Variants in TSPOAP1 observed in about 807,000 individuals in gnomAD.
The protein encoded by TSPOAP1 is TSPO associated protein 1.
In TSPOAP1, 87 loss-of-function variants were observed where a neutral mutation model predicts 197.0. The observed-to-expected ratio is 0.44, with a 90% CI of 0.37 to 0.53. The LOEUF (loss-of-function observed/expected upper bound fraction) is 0.53, where lower values mean the gene tolerates loss of function less well. Among genes scored for constraint, TSPOAP1 ranks in the 20% least tolerant of loss-of-function variants. The probability of loss-of-function intolerance (pLI) is 0.00; values close to 1 mark genes in which losing one functional copy is unlikely to be tolerated. For synonymous variants in TSPOAP1, 913 were observed against 998.9 expected, an observed-to-expected ratio of 0.91 and a Z score of 1.62; for missense variants, 2,174 against 2,411.3, an observed-to-expected ratio of 0.90 and a Z score of 2.06.
At chr17:58,307,783 G>A (rs1970947877) in intron 23 of TSPOAP1, 21 bp from the exon 24 acceptor site, 1 of 1,613,746 alleles carries the variant, frequency 6.2e-7, no homozygotes, top group Non-Finnish European at 8.5e-7. Context: ...AGTGGAGAGG[G>A]CGGTGACGCA....
rs1799045664 is a variant in TSPOAP1, at chr17:58,308,602, T to A, written c.4670A>T (p.Lys1557Ile). The part of the protein sequence containing the change: ...KPYPRLPAWE[K>I]GEPERRGRSA... ...GCGGCCTCTCCGCTCTGGTTCCCCT[T>A]TCTCCCAGGCTGGGAGGCGTGGGTA... The change falls in exon 22 of 32, where the codon AAA (lysine) becomes ATA (isoleucine). Residue 1557 changes from lysine (K) to isoleucine (I), a missense_variant. Coordinates refer to ENST00000343736, the MANE Select transcript of TSPOAP1 (RefSeq NM_004758.4). The A allele has an allele frequency of 6.3e-7, 1 of 1,591,690 alleles. No homozygotes were observed. Among genetic ancestry groups the A allele is most frequent in the Admixed American group, 1.7e-5 (1 of 57,596 alleles).
chr17:58,303,630 G>C (rs1454777218), intron 31 of TSPOAP1: 1 of 152,228 alleles, frequency 6.6e-6, no homozygotes, highest in Non-Finnish European at 1.5e-5. Flanking sequence ...TTATGGATTT[G>C]AACTACTCAA....
Position 58,315,981 on chromosome 17 carries a change from A to C in TSPOAP1, c.2098+42T>G, listed in dbSNP as rs1173259656. 5.5e-6 allele frequency: 8 copies of C among 1,459,410 alleles called. No homozygotes were observed. The East Asian group carries it at 1.8e-4, about 33-fold the overall frequency. 90.4% of individuals were successfully genotyped at this position (1,459,410 alleles called of 1,614,324 possible). On this transcript the variant is annotated intron_variant, in intron 16 of 31. Coordinates refer to ENST00000343736, the MANE Select transcript of TSPOAP1 (RefSeq NM_004758.4). ...TCCGTCTTTGGGAACATGGGCTCAA[A>C]GGCAGGGGAATGGACAGAATGACCC...
intron 12 of TSPOAP1, 107 bp from the exon 13 acceptor site, chr17:58,319,401 CCCAGCCCCAGGCCTGGGCA>C: frequency 2.4e-6 from 3 of 1,258,666 alleles, no homozygotes; most frequent in Non-Finnish European, 3.2e-6. Flanking sequence ...TATCCATCCA[CCCAGCCCCAGGCCTGGGCA>C]CCAGCCTTGC....
chr17:58,312,222 T>C lies in TSPOAP1; in HGVS notation c.2599A>G (p.Ser867Gly), dbSNP rs778368119. ...AAGCAACAGCGCAGTGGGTCAGAGC[T>C]GCCCCGGCTAGTCAGGGCCTGGACA... ...ISVQALTSRG[S>G]SDPLRCCLAV... The change falls in exon 17 of 32, where the codon AGC (serine) becomes GGC (glycine). Residue 867 changes from serine to glycine, a missense_variant. Around this residue, in one of 5 missense-constraint regions of TSPOAP1, gnomAD observed 1,933 missense variants for 2,139.0 expected, o/e 0.90. Coordinates refer to ENST00000343736, the MANE Select transcript of TSPOAP1 (RefSeq NM_004758.4). The C allele has an allele frequency of 1.9e-6, 3 of 1,612,840 alleles. No homozygotes were observed. The highest frequency in any genetic ancestry group is 2.2e-5 in the South Asian group (2 of 91,044).
chr17:58,323,352 T>A lies in TSPOAP1; in HGVS notation c.1050A>T (p.Lys350Asn), dbSNP rs756002002. The part of the protein sequence containing the change: ...LESELSKKRK[K>N]CESLEQEARK... ...GGGCTTCCTGCTCCAGGCTCTCGCA[T>A]TTCTTCCGCTTCTTGCTGAGCTCCG... The change falls in exon 7 of 32, where the codon AAA becomes AAT. Residue 350 changes from lysine to asparagine, a missense_variant. Physicochemically the swap from Lys to Asn is moderately conservative, Grantham distance 94. This residue lies in a region of TSPOAP1 where 1,933 missense variants were observed against 2,139.0 expected (regional missense o/e 0.90). Coordinates refer to ENST00000343736, the MANE Select transcript of TSPOAP1 (RefSeq NM_004758.4). The A allele has an allele frequency of 1.9e-6, 3 of 1,614,220 alleles. No homozygotes were observed. The highest frequency in any genetic ancestry group is 2.5e-6 in the Non-Finnish European group (3 of 1,180,018).
chr17:58,303,533 C>T (rs1970782096), intron 31 of TSPOAP1: 2 of 152,200 alleles, frequency 1.3e-5, no homozygotes, highest in Admixed American at 6.5e-5. Flanking sequence ...TCTTAGGGCT[C>T]CTTCCACAAC....
chr17:58,311,357 T>C (rs1971072883), intron 18 of TSPOAP1, 144 bp from the exon 19 acceptor site: 1 of 1,292,272 alleles, frequency 7.7e-7, no homozygotes, highest in Non-Finnish European at 1.1e-6. Flanking sequence ...GCATGGCCTA[T>C]CTCATTTCAT....
chr17:58,308,699 C>T lies in TSPOAP1; in HGVS notation c.4573G>A (p.Gly1525Arg), dbSNP rs1250479614. The T allele has an allele frequency of 6.2e-7, 1 of 1,612,976 alleles. No individual in the cohort carries two copies. Among genetic ancestry groups the T allele is most frequent in the East Asian group, 2.2e-5 (1 of 44,872 alleles). Residue 1525 changes from glycine (G) to arginine (R), a missense_variant, in exon 22 of 32, where the codon GGG becomes AGG. Physicochemically the swap from Gly to Arg is moderately radical, Grantham distance 125 (BLOSUM62 -2). Transcript: ENST00000343736. ...ACAGTTGCTGTGCCCCAGGCCTCCC[C>T]ATCTCCAGGGTAGCAGGAGCTGGTG... ...SITSSCYPGDGEAWGTATVGR... is the reference protein window; with the variant it reads ...SITSSCYPGDREAWGTATVGR...
intron 7 of TSPOAP1, 98 bp downstream of exon 7, chr17:58,323,200 G>C: frequency 6.7e-7 from 1 of 1,498,558 alleles, no homozygotes; most frequent in African/African-American, 1.4e-5. Flanking sequence ...GTGTTCTTGA[G>C]GGCAGCAGGG....
intron 10 of TSPOAP1, among the ~76,000 whole-genome samples, chr17:58,321,341 A>G (rs982057413): frequency 2.0e-5 from 3 of 148,426 alleles, no homozygotes; most frequent in Non-Finnish European, 4.4e-5. Flanking sequence ...TCTGTCGCCC[A>G]GGCTGGAGTG....
chr17:58,326,411 C>T lies in TSPOAP1; in HGVS notation c.452G>A (p.Ser151Asn), dbSNP rs1567852686. The part of the protein sequence containing the change: ...KEENQMLRKS[S>N]FPETEEKVRR... Reference sequence around the variant, plus strand: ...CACCTTCTCTTCTGTCTCAGGGAAGCTGCTCTTCCTCTGACAAGGGGTCAG... The same window carrying T: ...CACCTTCTCTTCTGTCTCAGGGAAGTTGCTCTTCCTCTGACAAGGGGTCAG... Residue 151 changes from serine (S) to asparagine (N), a missense_variant, in exon 3 of 32, where the codon AGC becomes AAC. Ser to Asn is a conservative substitution (Grantham distance 46). Around this residue, in one of 5 missense-constraint regions of TSPOAP1, gnomAD observed 1,933 missense variants for 2,139.0 expected, o/e 0.90. Coordinates refer to ENST00000343736, the MANE Select transcript of TSPOAP1 (RefSeq NM_004758.4). The surrounding 1 kb of genome is among the most constrained non-coding windows in gnomAD (Gnocchi z 4.7). The T allele has an allele frequency of 1.2e-6, 2 of 1,613,726 alleles. No individual in the cohort carries two copies. Among genetic ancestry groups the T allele is most frequent in the Non-Finnish European group, 1.7e-6 (2 of 1,179,998 alleles).
rs111384073 is a variant in TSPOAP1, at chr17:58,307,366, C to T, written c.4983+245G>A. ...TTGGATCATTTAATCCACAAAACAC[C>T]CTGTGAGGTAGACACTAATATTATC... On this transcript the variant is annotated intron_variant, in intron 24 of 31. Coordinates refer to ENST00000343736, the MANE Select transcript of TSPOAP1 (RefSeq NM_004758.4). The T allele has an allele frequency of 5.5e-3, 3,163 of 570,278 alleles. 82 individuals are homozygous for T. Among genetic ancestry groups the T allele is most frequent in the African/African-American group, 0.053 (2,845 of 53,644 alleles). 35.3% of individuals were successfully genotyped at this position (570,278 alleles called of 1,614,324 possible). A position where few individuals can be genotyped will look rare whatever the true frequency, so the allele number is the denominator to read the frequency against.
At chr17:58,325,369 C>T (rs955551096) in intron 4 of TSPOAP1, 165 bp downstream of exon 4, 16 of 852,332 alleles carry the variant, frequency 1.9e-5, no homozygotes, top group African/African-American at 3.4e-5. Flanking sequence ...TGGCTCCACC[C>T]CCTTCTCCCC....
In TSPOAP1 at chr17:58,319,151, G is replaced by T; in HGVS notation, c.1638C>A (p.Asp546Glu). The stretch of plus-strand genomic sequence containing the variant: ...AGCAGCAGCAGGGGGGTGGTGGGCA[G>T]TCTCCAAGGCTCCCACAGTCCAGGG... ...TSALDCGSLGDCPPPPCCCSI... is the reference protein window; with the variant it reads ...TSALDCGSLGECPPPPCCCSI... The change falls in exon 13 of 32, where the codon GAC becomes GAA. Residue 546 changes from aspartate (D) to glutamate (E), a missense_variant. By Grantham distance (45) the Asp-to-Glu change is conservative. Around this residue, in one of 5 missense-constraint regions of TSPOAP1, gnomAD observed 1,933 missense variants for 2,139.0 expected, o/e 0.90. Coordinates refer to ENST00000343736, the MANE Select transcript of TSPOAP1 (RefSeq NM_004758.4). The T allele has an allele frequency of 6.4e-7, 1 of 1,557,540 alleles. No homozygotes were observed. Among genetic ancestry groups the T allele is most frequent in the Middle Eastern group, 1.7e-4 (1 of 5,994 alleles).
chr17:58,304,318 G>C lies in TSPOAP1; in HGVS notation c.*32+20C>G, dbSNP rs73315978. The C allele has an allele frequency of 2.6e-3, 4,132 of 1,607,508 alleles. 67 individuals are homozygous for C. The African/African-American group carries it at 0.044, about 17-fold the overall frequency. On this transcript the variant is annotated intron_variant, in intron 31 of 31. Transcript: ENST00000343736. The surrounding 1 kb of genome is among the most constrained non-coding windows in gnomAD (Gnocchi z 4.2). ...CAAGTGGGGGTGGACGGTCACACAG[G>C]GGGGCAGTCCCCCACTTACATGTTG...
At chr17:58,302,533 G>A (rs1970747927) in intron 31 of TSPOAP1, 86 bp from the exon 32 acceptor site, 4 of 976,514 alleles carry the variant, frequency 4.1e-6, no homozygotes, top group Non-Finnish European at 5.2e-6. Context: ...TAAGGGGCCT[G>A]CAGCCTCCCA....
intron 14 of TSPOAP1, 140 bp downstream of exon 14, chr17:58,318,140 C>A (rs965239212): frequency 1.1e-5 from 12 of 1,077,764 alleles, no homozygotes; most frequent in South Asian, 1.6e-5. Flanking sequence ...CAGGAGGAAT[C>A]CACAGGCCTC....
At position 58,321,391 on chromosome 17, in the gene TSPOAP1, G is replaced by A. The variant is rs186297917; in HGVS notation, c.1423-810C>T. ...CAGCTCACTGCAAGCTCTGCCTCCC[G>A]GGTTCAAACAATTCTCCTGCCTCAG... On this transcript the variant is annotated intron_variant, in intron 10 of 31. Coordinates refer to ENST00000343736, the MANE Select transcript of TSPOAP1 (RefSeq NM_004758.4). 3.2e-4 allele frequency among the ~76,000 whole-genome samples: 49 copies of A among 151,708 alleles called. No homozygotes were observed. In the Middle Eastern group the frequency reaches 0.014, roughly 42 times the overall value.
Sources: gnomAD v4.1 joint callset for allele counts (sites outside exome capture counted in the v4.1 genomes callset) on GRCh38, gnomAD v4.1.1 for gene constraint, gnomAD v4.1.1 regional missense constraint, Gnocchi (gnomAD v3.1) non-coding constraint, MANE v1.5 for transcripts, NCBI Gene and HGNC (gene_info 2026-07-23, HGNC 2026-07-21) for gene names.